CDH4: variants seen among roughly 807,000 people sequenced by gnomAD.
The protein encoded by CDH4 is cadherin 4, also known as cadherin-4.
In CDH4, 33 loss-of-function variants were observed where a neutral mutation model predicts 86.0. That is an observed-to-expected ratio of 0.38 (90% CI 0.29 to 0.51). CDH4 has a LOEUF of 0.51. Ranked by LOEUF, CDH4 falls within the 20% of genes least tolerant of loss-of-function variation. The pLI, the probability that CDH4 is intolerant of heterozygous loss-of-function variation, is 0.86. For synonymous variants in CDH4, 555 were observed against 549.4 expected, an observed-to-expected ratio of 1.01 and a Z score of -0.14; for missense variants, 1,114 against 1,307.4, an observed-to-expected ratio of 0.85 and a Z score of 2.28.
chr20:61,873,670 C>T (rs779516532), intron 6 of CDH4, 58 bp from the exon 7 acceptor site: 22 of 1,557,980 alleles, frequency 1.4e-5, no homozygotes, highest in South Asian at 2.4e-5. Context: ...CAGGTGTGTG[C>T]GGGGGTGGCA....
chr20:61,485,095 G>A (rs2085588834), intron 2 of CDH4, among the ~76,000 whole-genome samples: 1 of 152,172 alleles, frequency 6.6e-6, no homozygotes, highest in South Asian at 2.1e-4. Context: ...TTGGCATGCT[G>A]TGCTTCATTT....
At chr20:61,889,687 A>G (rs13045709) in intron 7 of CDH4, among the ~76,000 whole-genome samples, 2 of 138,802 alleles carry the variant, frequency 1.4e-5, no homozygotes, top group African/African-American at 5.5e-5. Context: ...GTGAGTGGAT[A>G]GTTGGATGAT....
chr20:61,565,241 G>C (rs115506462), intron 2 of CDH4, among the ~76,000 whole-genome samples: 1,378 of 26,792 alleles, frequency 0.051, 146 homozygotes, highest in African/African-American at 0.15. Context: ...TGGTGGTGGT[G>C]GCGGTGCTCT....
chr20:61,506,490 A>T (rs1057439545), intron 2 of CDH4, among the ~76,000 whole-genome samples: 3 of 152,172 alleles, frequency 2.0e-5, no homozygotes, highest in African/African-American at 7.2e-5. Context: ...TCGTATCCAC[A>T]TTATTATTAT....
At chr20:61,898,437 A>C (rs1282555993) in intron 8 of CDH4, among the ~76,000 whole-genome samples, 1 of 152,222 alleles carries the variant, frequency 6.6e-6, no homozygotes, top group Non-Finnish European at 1.5e-5. Flanking sequence ...GCTGCGCTAG[A>C]AGCTGGTGGC....
intron 2 of CDH4, among the ~76,000 whole-genome samples, chr20:61,310,378 T>G (rs2084438939): frequency 6.6e-6 from 1 of 152,146 alleles, no homozygotes. Flanking sequence ...AGGATAACTA[T>G]TTTATGGACC....
chr20:61,304,278 C>T (rs540589833), intron 2 of CDH4, among the ~76,000 whole-genome samples: 5 of 152,204 alleles, frequency 3.3e-5, no homozygotes, highest in African/African-American at 4.8e-5. Flanking sequence ...CCCAACCCCC[C>T]GTTCTTTGGT....
intron 4 of CDH4, among the ~76,000 whole-genome samples, chr20:61,814,359 G>A (rs1980605716): frequency 6.6e-6 from 1 of 152,198 alleles, no homozygotes; most frequent in African/African-American, 2.4e-5. Flanking sequence ...CACCTGAAGG[G>A]CCCTGGAAAA....
intron 4 of CDH4, among the ~76,000 whole-genome samples, chr20:61,777,261 G>C (rs2088852749): frequency 6.6e-6 from 1 of 152,204 alleles, no homozygotes; most frequent in Admixed American, 6.5e-5. Context: ...ATGAATGAGT[G>C]AGTGAGTGAG....
intron 2 of CDH4, among the ~76,000 whole-genome samples, chr20:61,620,872 T>C (rs2145774433): frequency 6.6e-6 from 1 of 152,320 alleles, no homozygotes; most frequent in Admixed American, 6.5e-5. Flanking sequence ...AAGCCCATTT[T>C]CCCAGCGCCT....
chr20:61,410,609 C>A (rs147359195), intron 2 of CDH4, among the ~76,000 whole-genome samples: 5,219 of 73,558 alleles, frequency 0.071, no homozygotes, highest in East Asian at 0.22. Context: ...CTACACATCC[C>A]TCCATCTTCC....
chr20:61,653,369 T>C (rs2087145992), intron 2 of CDH4, among the ~76,000 whole-genome samples: 1 of 138,620 alleles, frequency 7.2e-6, no homozygotes, highest in Admixed American at 7.2e-5. Context: ...ATCCGATTTC[T>C]CAATCTTTTC....
intron 2 of CDH4, among the ~76,000 whole-genome samples, chr20:61,595,642 A>C (rs909355873): frequency 1.3e-5 from 2 of 152,212 alleles, no homozygotes; most frequent in African/African-American, 4.8e-5. Context: ...AGTCATTTAG[A>C]GAACGTTAGC....
rs145535922 is a variant in CDH4, at chr20:61,816,310, G to A, written c.577-28358G>A. Among the ~76,000 whole-genome samples the A allele has an allele frequency of 3.2e-3, 490 of 152,222 alleles. 4 individuals carry two copies. The highest frequency in any genetic ancestry group is 0.011 in the African/African-American group (472 of 41,530). ...CAAGATTAAAGAGTTTTCTCAAATC[G>A]CTCCCTGATTTTCTAAATAGAAAAG... On this transcript the variant is annotated intron_variant, in intron 4 of 15. Transcript: ENST00000614565.
At chr20:61,493,797 C>T (rs1433727166) in intron 2 of CDH4, among the ~76,000 whole-genome samples, 2 of 152,166 alleles carry the variant, frequency 1.3e-5, no homozygotes, top group African/African-American at 4.8e-5. Flanking sequence ...CTAGGGTGAC[C>T]CCCTCCAGAA....
At chr20:61,808,005 A>G (rs1980230548) in intron 4 of CDH4, among the ~76,000 whole-genome samples, 1 of 151,996 alleles carries the variant, frequency 6.6e-6, no homozygotes, top group African/African-American at 2.4e-5. Flanking sequence ...CAGCCCTGAC[A>G]ATGAACCAGT....
At chr20:61,831,675 G>A (rs747284553) in intron 4 of CDH4, among the ~76,000 whole-genome samples, 2 of 152,238 alleles carry the variant, frequency 1.3e-5, no homozygotes, top group Admixed American at 6.5e-5. Flanking sequence ...CAGGACCCCA[G>A]GCCCACCCTG....
rs1307484717 is a variant in CDH4, at chr20:61,252,768, G to A, written c.57+198G>A. Reference sequence around the variant, plus strand: ...GGAGCGGGAAGCCGCCTGGGCAGCGGGGAGCGGCGGAGCAGGGTGGGAGTG... The same window carrying A: ...GGAGCGGGAAGCCGCCTGGGCAGCGAGGAGCGGCGGAGCAGGGTGGGAGTG... On this transcript the variant is annotated intron_variant, in intron 1 of 15. Coordinates refer to ENST00000614565, the MANE Select transcript of CDH4 (RefSeq NM_001794.5). The surrounding 1 kb of genome is among the most constrained non-coding windows in gnomAD (Gnocchi z 4.4). 6.6e-6 allele frequency among the ~76,000 whole-genome samples: 1 copy of A among 151,626 alleles called. No homozygotes were observed. The highest frequency in any genetic ancestry group is 2.4e-5 in the African/African-American group (1 of 41,380).
At chr20:61,573,985 C>A (rs1035251318) in intron 2 of CDH4, among the ~76,000 whole-genome samples, 1 of 152,178 alleles carries the variant, frequency 6.6e-6, no homozygotes, top group Non-Finnish European at 1.5e-5. Context: ...CTGAATCCAG[C>A]TGATGATCTG....
Sources: allele counts gnomAD v4.1 joint callset (sites outside exome capture counted in the v4.1 genomes callset), GRCh38; gene constraint gnomAD v4.1.1; non-coding constraint Gnocchi (gnomAD v3.1); transcripts MANE v1.5; gene names NCBI Gene and HGNC (gene_info 2026-07-23, HGNC 2026-07-21).